PCDH17: variants seen among roughly 807,000 people sequenced by gnomAD.
The protein encoded by PCDH17 is protocadherin-17.
Under a neutral mutation model 67.7 loss-of-function variants are expected in PCDH17, and 21 were observed. The ratio of observed to expected loss-of-function variants is 0.31; its 90% CI spans 0.22 to 0.45. The LOEUF (loss-of-function observed/expected upper bound fraction) is 0.45. Among genes scored for constraint, PCDH17 ranks in the 20% least tolerant of loss-of-function variants. PCDH17 has a pLI of 1.00. For synonymous variants in PCDH17, 701 were observed against 656.7 expected (o/e 1.07, Z -1.03); for missense variants, 1,471 against 1,564.8 (o/e 0.94, Z 1.01).
chr13:57,630,199 T>G (rs1954700680), upstream of PCDH17, among the ~76,000 whole-genome samples: 1 of 152,162 alleles, frequency 6.6e-6, no homozygotes, highest in South Asian at 2.1e-4. Context: ...CTACTCCAAC[T>G]GTTGAATTGA....
intron 3 of PCDH17, among the ~76,000 whole-genome samples, chr13:57,673,112 G>A (rs1388113665): frequency 1.3e-5 from 2 of 151,934 alleles, no homozygotes; most frequent in African/African-American, 2.4e-5. Flanking sequence ...CTCAGTAAAT[G>A]TACTTAATCT....
chr13:57,646,797 C>G (rs1954971247), intron 1 of PCDH17, among the ~76,000 whole-genome samples: 1 of 151,664 alleles, frequency 6.6e-6, no homozygotes, highest in South Asian at 2.1e-4. Flanking sequence ...AATTTATATC[C>G]ACATTTGTCT....
rs1018580778 is a variant in PCDH17 at position 57,729,032 on chromosome 13, T to C, written c.*3738T>C. ...GCATTCATCAGAGCACTAATTCGAA[T>C]GAGAGTTTTGGCTATCAAGATGTGT... On this transcript the variant is annotated 3_prime_UTR_variant, in exon 4 of 4. Coordinates refer to ENST00000377918, the MANE Select transcript of PCDH17 (RefSeq NM_001040429.3). 7 of 152,142 alleles carry C rather than the reference T, an allele frequency of 4.6e-5. No individual in the cohort carries two copies. The highest frequency in any genetic ancestry group is 8.8e-5 in the Non-Finnish European group (6 of 67,978). 9.4% of individuals were successfully genotyped at this position (152,142 alleles called of 1,614,324 possible). A position where few individuals can be genotyped will look rare whatever the true frequency, so the allele number is the denominator to read the frequency against.
At position 57,724,969 on chromosome 13, in the gene PCDH17, G is replaced by A. The variant is rs781232830; in HGVS notation, c.3155G>A (p.Gly1052Asp). Residue 1052 changes from glycine (G) to aspartate (D), a missense_variant, in exon 4 of 4, where the codon GGC (glycine) becomes GAC (aspartate). Around this residue, in one of 3 missense-constraint regions of PCDH17, gnomAD observed 297 missense variants for 298.6 expected, o/e 0.99. Transcript: ENST00000377918. The stretch of plus-strand genomic sequence containing the variant: ...ATCGAGCCTTGCACCTCAACAAAAG[G>A]CTCCCTGGATGGCTGTGAAGCAAAA... ...ACIEPCTSTK[G>D]SLDGCEAKPG... The A allele has an allele frequency of 1.2e-6, 2 of 1,614,110 alleles. No homozygotes were observed. The highest frequency in any genetic ancestry group is 1.7e-5 in the Admixed American group (1 of 60,006).
chr13:57,635,197 C>G, intron 1 of PCDH17, 86 bp downstream of exon 1: 1 of 1,372,138 alleles, frequency 7.3e-7, no homozygotes, highest in South Asian at 1.2e-5. Flanking sequence ...GCAAGCCACT[C>G]TGCCAGCAGC....
intron 1 of PCDH17, among the ~76,000 whole-genome samples, chr13:57,656,305 C>G (rs1426891786): frequency 1.3e-5 from 2 of 152,070 alleles, no homozygotes; most frequent in Non-Finnish European, 1.5e-5. Flanking sequence ...AGGCTAAAAA[C>G]CAGCTTGATC....
Position 57,637,113 on chromosome 13 carries a change from C to T in PCDH17, c.2565+2002C>T, listed in dbSNP as rs149105719. Among the ~76,000 whole-genome samples the T allele has an allele frequency of 4.6e-3, 700 of 152,184 alleles. 4 individuals are homozygous for T. The highest frequency in any genetic ancestry group is 5.3e-3 in the Non-Finnish European group (359 of 67,954). Reference sequence around the variant, plus strand: ...AAACTCAAGCCAAAGCAAATACACACGTGCGCACACACACACAGAATGTAA... The same window carrying T: ...AAACTCAAGCCAAAGCAAATACACATGTGCGCACACACACACAGAATGTAA... On this transcript the variant is annotated intron_variant, in intron 1 of 3. Transcript: ENST00000377918.
In PCDH17 at chr13:57,632,377, A is replaced by G; in HGVS notation, c.-170A>G. On this transcript the variant is annotated 5_prime_UTR_variant, in exon 1 of 4. Coordinates refer to ENST00000377918, the MANE Select transcript of PCDH17 (RefSeq NM_001040429.3). Reference sequence around the variant, plus strand: ...CAACAGGTTCAGGGAACTTGAGCAGAATAAGGAGAGACCACCGGGTGCCGC... The same window carrying G: ...CAACAGGTTCAGGGAACTTGAGCAGGATAAGGAGAGACCACCGGGTGCCGC... The G allele has an allele frequency of 1.5e-6, 1 of 647,796 alleles. No homozygotes were observed. The highest frequency in any genetic ancestry group is 2.9e-5 in the Admixed American group (1 of 34,362). The allele number at this position is 647,796 out of a possible 1,614,324, so 40.1% of individuals were successfully genotyped here.
chr13:57,634,730 C>G lies in PCDH17; in HGVS notation c.2184C>G (p.Val728=). Reference sequence around the variant, plus strand: ...TAGCGGCCATGATCACCATCGCCGTCAAGTGCAAGCGCGAGAACAAGGAGA... The same window carrying G: ...TAGCGGCCATGATCACCATCGCCGTGAAGTGCAAGCGCGAGAACAAGGAGA... The part of the protein sequence containing the change: ...ILLAAMITIA[V]KCKRENKEIR... Residue 728 remains valine, a synonymous_variant, in exon 1 of 4, where the codon GTC becomes GTG. Transcript: ENST00000377918. This position sits in a 1 kb window ranked among gnomAD's most constrained non-coding sequence, Gnocchi z 7.8. 2 of 1,613,988 alleles carry G rather than the reference C, an allele frequency of 1.2e-6. No individual in the cohort carries two copies. The highest frequency in any genetic ancestry group is 3.3e-4 in the Middle Eastern group (2 of 6,062).
At chr13:57,645,279 CTTGA>C (rs1292245036) in intron 1 of PCDH17, among the ~76,000 whole-genome samples, 1 of 151,686 alleles carries the variant, frequency 6.6e-6, no homozygotes, top group Admixed American at 6.6e-5. Context: ...CCGCATCCAT[CTTGA>C]TTGTCACTGT....
At chr13:57,651,706 T>A (rs776430018) in intron 1 of PCDH17, among the ~76,000 whole-genome samples, 1 of 152,150 alleles carries the variant, frequency 6.6e-6, no homozygotes, top group Non-Finnish European at 1.5e-5. Flanking sequence ...AGTTGCTTAA[T>A]CTTTTTAAAT....
intron 3 of PCDH17, among the ~76,000 whole-genome samples, chr13:57,716,280 T>A (rs1231200670): frequency 6.6e-6 from 1 of 152,070 alleles, no homozygotes; most frequent in African/African-American, 2.4e-5. Flanking sequence ...CTTATACTAG[T>A]GCTTCATTGC....
In PCDH17 at chr13:57,728,178, G is replaced by A. The variant is rs575878980; in HGVS notation, c.*2884G>A. On this transcript the variant is annotated 3_prime_UTR_variant, in exon 4 of 4. Coordinates refer to ENST00000377918, the MANE Select transcript of PCDH17 (RefSeq NM_001040429.3). ...AATCTCGCTTTTATTCATTTAGCTGGCAACTGCCTTTATTGCAGACCTCTG... is the reference window on the plus strand; with the variant it reads ...AATCTCGCTTTTATTCATTTAGCTGACAACTGCCTTTATTGCAGACCTCTG... 1.6e-3 allele frequency: 241 copies of A among 152,564 alleles called. 1 individual carries two copies. The highest frequency in any genetic ancestry group is 7.7e-4 in the East Asian group (4 of 5,178). 9.5% of individuals were successfully genotyped at this position (152,564 alleles called of 1,614,324 possible). A position where few individuals can be genotyped will look rare whatever the true frequency, so the allele number is the denominator to read the frequency against.
In PCDH17 at chr13:57,725,184, C is replaced by T; in HGVS notation, c.3370C>T (p.Pro1124Ser). Residue 1124 changes from proline (P) to serine (S), a missense_variant, in exon 4 of 4, where the codon CCC becomes TCC. By Grantham distance (74) the Pro-to-Ser change is moderately conservative (BLOSUM62 -1). Coordinates refer to ENST00000377918, the MANE Select transcript of PCDH17 (RefSeq NM_001040429.3). ...TGCTGTTCTTGAGCAGCTTGACCAC[C>T]CCAACAGGGATCTGGGCAGAGAGTC... ...MGAVLEQLDH[P>S]NRDLGRESVD... 1.9e-6 allele frequency: 3 copies of T among 1,614,058 alleles called. No individual in the cohort carries two copies. Among genetic ancestry groups the T allele is most frequent in the Non-Finnish European group, 2.5e-6 (3 of 1,179,984 alleles).
chr13:57,709,060 G>A (rs1383297750), intron 3 of PCDH17, among the ~76,000 whole-genome samples: 2 of 150,958 alleles, frequency 1.3e-5, no homozygotes, highest in East Asian at 2.0e-4. Context: ...CATGTTTCAT[G>A]TTAGGTAACA....
At chr13:57,691,614 C>T (rs1566237274) in intron 3 of PCDH17, among the ~76,000 whole-genome samples, 1 of 151,092 alleles carries the variant, frequency 6.6e-6, no homozygotes, top group African/African-American at 2.4e-5. Flanking sequence ...ATTTTTGGTA[C>T]TCATAGATGT....
Position 57,632,660 on chromosome 13 carries a change from C to T in PCDH17, c.114C>T (p.Ile38=). The T allele has an allele frequency of 6.2e-7, 1 of 1,612,450 alleles. No homozygotes were observed. The highest frequency in any genetic ancestry group is 1.7e-5 in the Admixed American group (1 of 60,028). ...GGGCCGGCACGGTGATCGGGAACAT[C>T]GGCAGGGATGCTCGACTGCAGCCTG... ...EQGAGTVIGN[I]GRDARLQPGL... The change falls in exon 1 of 4, where the codon ATC becomes ATT. Residue 38 remains isoleucine, a synonymous_variant. Coordinates refer to ENST00000377918, the MANE Select transcript of PCDH17 (RefSeq NM_001040429.3).
chr13:57,658,691 TA>T (rs1453635158), intron 1 of PCDH17, among the ~76,000 whole-genome samples: 8 of 152,176 alleles, frequency 5.3e-5, no homozygotes, highest in African/African-American at 1.9e-4. Context: ...GACTCTGACT[TA>T]AAGGTCTCCA....
intron 1 of PCDH17, among the ~76,000 whole-genome samples, chr13:57,656,961 T>A (rs1400151454): frequency 6.6e-6 from 1 of 152,234 alleles, no homozygotes; most frequent in African/African-American, 2.4e-5. Flanking sequence ...TGTATGGCAG[T>A]CTCTATTTTA....
Sources: gnomAD v4.1 joint callset for allele counts (sites outside exome capture counted in the v4.1 genomes callset) on GRCh38, gnomAD v4.1.1 for gene constraint, gnomAD v4.1.1 regional missense constraint, Gnocchi (gnomAD v3.1) non-coding constraint, MANE v1.5 for transcripts, NCBI Gene and HGNC (gene_info 2026-07-23, HGNC 2026-07-21) for gene names.